The following SCML4 variants were observed in gnomAD, a reference collection of about 807,000 sequenced individuals.
SCML4 encodes sex comb on midleg-like protein 4.
In SCML4, 34 loss-of-function variants were observed where a neutral mutation model predicts 41.1. The ratio of observed to expected loss-of-function variants is 0.83; its 90% CI spans 0.63 to 1.10. The LOEUF is 1.10. SCML4 is among the 50% of genes least tolerant of loss of function. The pLI, the probability that SCML4 is intolerant of heterozygous loss-of-function variation, is 0.00. For synonymous variants in SCML4, 214 were observed against 220.9 expected, an observed-to-expected ratio of 0.97 and a Z score of 0.28; for missense variants, 522 against 534.1, an observed-to-expected ratio of 0.98 and a Z score of 0.22.
At chr6:107,825,976 T>C (rs1583692779), upstream of SCML4, among the ~76,000 whole-genome samples, 1 of 136,062 alleles carries the variant, frequency 7.3e-6, no homozygotes, top group African/African-American at 2.8e-5. Context: ...ATGGATGGGC[T>C]AGGTGTGGTG....
At chr6:107,825,259 T>C (rs910492466), upstream of SCML4, among the ~76,000 whole-genome samples, 2 of 152,228 alleles carry the variant, frequency 1.3e-5, no homozygotes, top group African/African-American at 4.8e-5. Context: ...TCTACAAACA[T>C]GTGGCTTACT....
At chr6:107,715,652 A>G (rs1176247514) in intron 6 of SCML4, among the ~76,000 whole-genome samples, 1 of 152,204 alleles carries the variant, frequency 6.6e-6, no homozygotes, top group Non-Finnish European at 1.5e-5. Flanking sequence ...CACCAGGAAA[A>G]TGTGCCCTGT....
chr6:107,749,788 G>A lies in SCML4; in HGVS notation c.182C>T (p.Pro61Leu). The change falls in exon 3 of 8, where the codon CCC becomes CTC. Residue 61 changes from proline (P) to leucine (L), a missense_variant. Pro to Leu is a moderately conservative substitution (Grantham distance 98). Transcript: ENST00000369020. Reference protein sequence around the residue: ...YKIKSRVLMTPLALSPPRSTP... With the variant: ...YKIKSRVLMTLLALSPPRSTP... ...ACTCCGCGGAGGTGAGAGGGCTAAG[G>A]GAGTCATGAGAACCCGAGACTTGAT... 6.2e-7 allele frequency: 1 copy of A among 1,614,098 alleles called. No individual in the cohort carries two copies. Among genetic ancestry groups the A allele is most frequent in the Non-Finnish European group, 8.5e-7 (1 of 1,179,996 alleles).
intron 3 of SCML4, among the ~76,000 whole-genome samples, chr6:107,747,339 C>T (rs1778220753): frequency 6.6e-6 from 1 of 152,130 alleles, no homozygotes; most frequent in African/African-American, 2.4e-5. Context: ...CACTATCACT[C>T]CAGAGACTAT....
chr6:107,720,806 GGGACCACCAGCGGTGGCAGCA>G lies in SCML4; in HGVS notation c.849_869del (p.Ala284_Pro290del), dbSNP rs1260887063. The stretch of plus-strand genomic sequence containing the variant: ...CACCAGAAGACATGGGGCTAGTGCG[GGGACCACCAGCGGTGGCAGCA>G]GGACCACCCCCAAGGTGGCTGTCTC... On this transcript the variant is annotated inframe_deletion, in exon 6 of 8. Transcript: ENST00000369020. 3 of 1,614,094 alleles carry G rather than the reference GGGACCACCAGCGGTGGCAGCA, an allele frequency of 1.9e-6. No homozygotes were observed. Among genetic ancestry groups the G allele is most frequent in the South Asian group, 1.1e-5 (1 of 91,074 alleles).
intron 5 of SCML4, among the ~76,000 whole-genome samples, chr6:107,731,224 A>ACTT (rs1776510161): frequency 2.0e-5 from 3 of 152,334 alleles, no homozygotes; most frequent in South Asian, 4.1e-4. Flanking sequence ...GCTCCTGACC[A>ACTT]AGTGTCAGCT....
intron 5 of SCML4, among the ~76,000 whole-genome samples, chr6:107,741,954 C>T (rs563383461): frequency 6.6e-6 from 1 of 152,202 alleles, no homozygotes; most frequent in Non-Finnish European, 1.5e-5. Context: ...AGAAACCGAC[C>T]CTAATAAGAT....
chr6:107,764,848 T>C (rs1779905320), intron 2 of SCML4, among the ~76,000 whole-genome samples: 1 of 152,090 alleles, frequency 6.6e-6, no homozygotes, highest in Admixed American at 6.5e-5. Flanking sequence ...TCTCACCAGA[T>C]CTGATGGTTT....
chr6:107,814,419 G>A (rs1784417421), intron 1 of SCML4, among the ~76,000 whole-genome samples: 1 of 152,218 alleles, frequency 6.6e-6, no homozygotes, highest in African/African-American at 2.4e-5. Flanking sequence ...CTTTTGGCCT[G>A]TGACATGGAA....
At chr6:107,746,411 G>GA (rs1375815310) in intron 4 of SCML4, 67 of 426,666 alleles carry the variant, frequency 1.6e-4, no homozygotes, top group Admixed American at 8.2e-4. Flanking sequence ...TTGAAGTGGA[G>GA]AAAAAAAAGC....
chr6:107,845,192 C>T, the SCML4 span, among the ~76,000 whole-genome samples: 1 of 152,106 alleles, frequency 6.6e-6, no homozygotes, highest in Admixed American at 6.5e-5. Context: ...GCCAAGAATG[C>T]ACCACTGCAC....
chr6:107,734,075 G>C (rs1027444572), intron 5 of SCML4, among the ~76,000 whole-genome samples: 1 of 152,138 alleles, frequency 6.6e-6, no homozygotes, highest in African/African-American at 2.4e-5. Flanking sequence ...GTAGAGGTAG[G>C]GGTGTCTTTC....
chr6:107,760,561 C>T (rs775170926), intron 2 of SCML4, among the ~76,000 whole-genome samples: 2 of 152,086 alleles, frequency 1.3e-5, no homozygotes, highest in Non-Finnish European at 2.9e-5. Flanking sequence ...AAACCTCAGG[C>T]TATGAATTTA....
chr6:107,745,051 G>A lies in SCML4; in HGVS notation c.580C>T (p.Arg194Ter). 6 of 1,614,078 alleles carry A rather than the reference G, an allele frequency of 3.7e-6. No individual in the cohort carries two copies. The highest frequency in any genetic ancestry group is 2.2e-5 in the East Asian group (1 of 44,880). The stretch of plus-strand genomic sequence containing the variant: ...AAGAGGTCATCGCACAGGAGGCTTC[G>A]GCACAGCTTGGCGAGGAAGCGGAGG... ...YVLRFLAKLC[R>*]SLLCDDLFSH... is the part of the protein sequence containing the mutation. Residue 194 changes from arginine to a stop codon, truncating the protein, a stop_gained, in exon 5 of 8, where the codon CGA (arginine) becomes TGA (stop). Coordinates refer to ENST00000369020, the MANE Select transcript of SCML4 (RefSeq NM_198081.5). LOFTEE classifies it high-confidence loss of function.
intron 2 of SCML4, among the ~76,000 whole-genome samples, chr6:107,763,269 C>A (rs1168258005): frequency 2.0e-5 from 3 of 151,976 alleles, no homozygotes; most frequent in Non-Finnish European, 4.4e-5. Flanking sequence ...AAAATTCATA[C>A]ACTGAAGTAC....
chr6:107,763,734 G>A (rs1053341897), intron 2 of SCML4, among the ~76,000 whole-genome samples: 5 of 152,184 alleles, frequency 3.3e-5, no homozygotes, highest in East Asian at 1.9e-4. Context: ...GAGCTTGCTC[G>A]CTGTCTCCAC....
chr6:107,740,630 A>C (rs1777509325), intron 5 of SCML4, among the ~76,000 whole-genome samples: 2 of 152,242 alleles, frequency 1.3e-5, no homozygotes, highest in Admixed American at 1.3e-4. Context: ...TCCACAGGGC[A>C]GTCTGGAGGT....
At chr6:107,788,037 A>G (rs572137086) in intron 1 of SCML4, among the ~76,000 whole-genome samples, 58 of 152,172 alleles carry the variant, frequency 3.8e-4, no homozygotes, top group Non-Finnish European at 7.1e-4. Context: ...ATAAACATGA[A>G]AACAGCACCA....
intron 2 of SCML4, among the ~76,000 whole-genome samples, chr6:107,766,057 G>A (rs1780008498): frequency 1.3e-5 from 2 of 152,228 alleles, no homozygotes; most frequent in Admixed American, 1.3e-4. Flanking sequence ...GGCTGAGGCA[G>A]AAGGACTGCT....
Sources: gnomAD v4.1 joint callset for allele counts (sites outside exome capture counted in the v4.1 genomes callset) on GRCh38, gnomAD v4.1.1 for gene constraint, MANE v1.5 for transcripts, NCBI Gene and HGNC (gene_info 2026-07-23, HGNC 2026-07-21) for gene names.